Variants in ATAD2B observed in about 807,000 individuals in gnomAD.
The protein encoded by ATAD2B is ATPase family AAA domain containing 2B, also known as ATPase family AAA domain-containing protein 2B.
Under a neutral mutation model 167.6 loss-of-function variants are expected in ATAD2B, and 40 were observed. The ratio of observed to expected loss-of-function variants is 0.24; its 90% CI spans 0.19 to 0.31. The LOEUF (loss-of-function observed/expected upper bound fraction) is 0.31. Among genes scored for constraint, ATAD2B ranks in the 10% least tolerant of loss-of-function variants. The probability of loss-of-function intolerance (pLI) is 1.00; values close to 1 mark genes in which losing one functional copy is unlikely to be tolerated. For missense variants in ATAD2B, 1,242 were observed against 1,757.2 expected (o/e 0.71, Z 5.24); for synonymous variants, 579 against 596.5 (o/e 0.97, Z 0.43).
At chr2:23,731,525 A>G in the ATAD2B span, among the ~76,000 whole-genome samples, 9 of 152,222 alleles carry the variant, frequency 5.9e-5, no homozygotes. Context: ...AATAAATAAA[A>G]TCAGAGTTAA....
At chr2:23,879,226 G>A (rs1456930344) in intron 7 of ATAD2B, among the ~76,000 whole-genome samples, 2 of 151,880 alleles carry the variant, frequency 1.3e-5, no homozygotes, top group Non-Finnish European at 2.9e-5. Flanking sequence ...ACCAAAAACT[G>A]GAAAGGATCA....
chr2:23,889,243 C>T (rs1178759347), intron 2 of ATAD2B, among the ~76,000 whole-genome samples: 1 of 152,104 alleles, frequency 6.6e-6, no homozygotes, highest in African/African-American at 2.4e-5. Flanking sequence ...TCTCGGCTTA[C>T]TGCTACCTCC....
chr2:23,712,867 T>C, the ATAD2B span, among the ~76,000 whole-genome samples: 1 of 152,142 alleles, frequency 6.6e-6, no homozygotes, highest in Non-Finnish European at 1.5e-5. Context: ...TGCAGGTCAT[T>C]TGGGTGTGTT....
intron 13 of ATAD2B, among the ~76,000 whole-genome samples, chr2:23,857,103 A>G (rs1693548671): frequency 1.3e-5 from 2 of 152,230 alleles, no homozygotes; most frequent in Admixed American, 6.5e-5. Context: ...TAAACTTTGC[A>G]ACGCATTCGG....
intron 1 of ATAD2B, among the ~76,000 whole-genome samples, chr2:23,921,946 G>T (rs562146090): frequency 2.0e-5 from 3 of 151,922 alleles, no homozygotes; most frequent in Non-Finnish European, 4.4e-5. Flanking sequence ...CCTCAATTTC[G>T]ACCACTCTGC....
the ATAD2B span, among the ~76,000 whole-genome samples, chr2:23,726,792 G>A: frequency 4.6e-5 from 7 of 152,268 alleles, no homozygotes; most frequent in South Asian, 2.1e-4. Flanking sequence ...ATATGAAGGC[G>A]GTCAAATGGG....
At chr2:23,765,203 C>A (rs533769792) in intron 23 of ATAD2B, among the ~76,000 whole-genome samples, 158 of 152,288 alleles carry the variant, frequency 1.0e-3, no homozygotes, top group Middle Eastern at 6.8e-3. Context: ...AAAACCTTTT[C>A]ATATCTAATA....
intron 8 of ATAD2B, among the ~76,000 whole-genome samples, chr2:23,874,543 C>T (rs899470314): frequency 1.3e-5 from 2 of 151,642 alleles, no homozygotes; most frequent in Admixed American, 1.3e-4. Flanking sequence ...TCTCTACAAA[C>T]AATATAAAAA....
chr2:23,779,845 T>C (rs1345096355), intron 22 of ATAD2B, among the ~76,000 whole-genome samples: 1 of 152,218 alleles, frequency 6.6e-6, no homozygotes, highest in African/African-American at 2.4e-5. Flanking sequence ...ATATTCTACA[T>C]ACAGTATATC....
Position 23,786,227 on chromosome 2 carries a change from G to C in ATAD2B, c.2777-4C>G. The C allele has an allele frequency of 1.9e-6, 3 of 1,558,592 alleles. No individual in the cohort carries two copies. Among genetic ancestry groups the C allele is most frequent in the Non-Finnish European group, 2.6e-6 (3 of 1,151,782 alleles). The stretch of plus-strand genomic sequence containing the variant: ...AGCACTTCCATAGCACAAAGAGCTA[G>C]AGAAAACAGAAGAAAATGTTAAGAT... On this transcript the variant is annotated splice_region_variant and splice_polypyrimidine_tract_variant and intron_variant, in intron 20 of 27. Coordinates refer to ENST00000238789, the MANE Select transcript of ATAD2B (RefSeq NM_017552.4).
intron 19 of ATAD2B, among the ~76,000 whole-genome samples, chr2:23,793,371 T>C (rs1454161573): frequency 1.3e-5 from 2 of 152,174 alleles, no homozygotes; most frequent in African/African-American, 4.8e-5. Context: ...CTGGCCAAGG[T>C]TTACATTCCT....
the ATAD2B span, among the ~76,000 whole-genome samples, chr2:23,735,494 T>C: frequency 2.6e-5 from 4 of 152,210 alleles, no homozygotes; most frequent in Non-Finnish European, 4.4e-5. Flanking sequence ...CATTAAACTT[T>C]TATTTTCCAT....
chr2:23,781,370 A>AAATAAAT (rs1415896599), intron 22 of ATAD2B, among the ~76,000 whole-genome samples: 1 of 150,446 alleles, frequency 6.6e-6, no homozygotes, highest in Non-Finnish European at 1.5e-5. Flanking sequence ...ATAAATAAAT[A>AAATAAAT]AATAAATAAT....
chr2:23,703,808 G>A, the ATAD2B span: 2 of 1,537,524 alleles, frequency 1.3e-6, no homozygotes, highest in East Asian at 2.4e-5. Context: ...CTACGACCCT[G>A]AGAAAGGAAA....
At chr2:23,835,316 G>A (rs1037449975) in intron 13 of ATAD2B, among the ~76,000 whole-genome samples, 25 of 152,108 alleles carry the variant, frequency 1.6e-4, no homozygotes, top group African/African-American at 5.8e-4. Flanking sequence ...CCATACAATG[G>A]AACAGTATTC....
At chr2:23,701,619 G>T in the ATAD2B span, among the ~76,000 whole-genome samples, 1 of 151,966 alleles carries the variant, frequency 6.6e-6, no homozygotes, top group Non-Finnish European at 1.5e-5. Context: ...AGGCTGAGGT[G>T]GGAGAATTGT....
At chr2:23,926,259 AGGACAAGGACAC>A (rs920483432) in intron 1 of ATAD2B, among the ~76,000 whole-genome samples, 4 of 152,198 alleles carry the variant, frequency 2.6e-5, no homozygotes, top group African/African-American at 9.6e-5. Flanking sequence ...CCTCTGGGGC[AGGACAAGGACAC>A]GGACAGCAGA....
chr2:23,822,852 G>C (rs560208734), intron 16 of ATAD2B, among the ~76,000 whole-genome samples: 1 of 143,356 alleles, frequency 7.0e-6, no homozygotes, highest in South Asian at 2.2e-4. Flanking sequence ...GGGAGGCGGA[G>C]GTTGCAGTAA....
chr2:23,774,569 A>C (rs756819578), intron 22 of ATAD2B, among the ~76,000 whole-genome samples: 14 of 152,356 alleles, frequency 9.2e-5, no homozygotes, highest in Non-Finnish European at 1.6e-4. Context: ...TCTCCATTTT[A>C]TAATTTCTAC....
Sources: allele counts gnomAD v4.1 joint callset (sites outside exome capture counted in the v4.1 genomes callset), GRCh38; gene constraint gnomAD v4.1.1; transcripts MANE v1.5; gene names NCBI Gene and HGNC (gene_info 2026-07-23, HGNC 2026-07-21).